ZFYVE28: variants seen among roughly 807,000 people sequenced by gnomAD.
ZFYVE28 encodes the protein lateral signaling target protein 2 homolog.
ZFYVE28 carries 40 observed loss-of-function variants against 82.1 expected under a neutral mutation model. The ratio of observed to expected loss-of-function variants is 0.49; its 90% CI spans 0.38 to 0.63. The LOEUF (loss-of-function observed/expected upper bound fraction) is 0.63, where lower values mean the gene tolerates loss of function less well. Ranked by LOEUF, ZFYVE28 falls within the 30% of genes least tolerant of loss-of-function variation. The probability of loss-of-function intolerance (pLI) is 0.00; values close to 1 mark genes in which losing one functional copy is unlikely to be tolerated. For synonymous variants in ZFYVE28, 612 were observed against 546.1 expected (o/e 1.12, Z -1.68); for missense variants, 1,321 against 1,242.1 (o/e 1.06, Z -0.96).
chr4:2,273,367 C>A, intron 9 of ZFYVE28, 78 bp from the exon 10 acceptor site: 1 of 1,246,018 alleles, frequency 8.0e-7, no homozygotes, highest in South Asian at 1.3e-5. Context: ...GCGGGCTGGG[C>A]AGACCCAGCC....
At chr4:2,322,948 G>A (rs1262443582) in intron 6 of ZFYVE28, among the ~76,000 whole-genome samples, 2 of 152,196 alleles carry the variant, frequency 1.3e-5, no homozygotes, top group African/African-American at 2.4e-5. Flanking sequence ...ATTCACCCAC[G>A]GGTGGAAGTT....
chr4:2,301,558 C>A (rs1035254928), intron 8 of ZFYVE28, among the ~76,000 whole-genome samples: 8 of 152,094 alleles, frequency 5.3e-5, no homozygotes, highest in Admixed American at 5.2e-4. Flanking sequence ...AAGCTGAGGC[C>A]GCGTTAAGAG....
Position 2,339,612 on chromosome 4 carries a change from C to T in ZFYVE28, c.362G>A (p.Ser121Asn). The change falls in exon 4 of 13, where the codon AGC becomes AAC. Residue 121 changes from serine (S) to asparagine (N), a missense_variant. By Grantham distance (46) the Ser-to-Asn change is conservative. Transcript: ENST00000290974. The surrounding 1 kb of genome is among the most constrained non-coding windows in gnomAD (Gnocchi z 5.0). ...GSIIMNRELE[S>N]MAMRPLAKEL... is the part of the protein sequence containing the mutation. Reference sequence around the variant, plus strand: ...CTTGGCCAGCGGGCGCATGGCCATGCTCTCCAGCTCCCGGTTCATGATGAT... The same window carrying T: ...CTTGGCCAGCGGGCGCATGGCCATGTTCTCCAGCTCCCGGTTCATGATGAT... The T allele has an allele frequency of 6.2e-7, 1 of 1,610,724 alleles. No individual in the cohort carries two copies.
Position 2,341,414 on chromosome 4 carries a change from C to G in ZFYVE28, c.318+64G>C. On this transcript the variant is annotated intron_variant, in intron 3 of 12. Coordinates refer to ENST00000290974, the MANE Select transcript of ZFYVE28 (RefSeq NM_020972.3). The surrounding 1 kb of genome is among the most constrained non-coding windows in gnomAD (Gnocchi z 4.5). ...CCTGCAGGCGCCCATGCACAAGGTT[C>G]GCAGGGACTTGGCTAGACGCCACCC... The G allele has an allele frequency of 6.3e-7, 1 of 1,592,460 alleles. No homozygotes were observed. The highest frequency in any genetic ancestry group is 1.1e-5 in the South Asian group (1 of 88,748).
intron 6 of ZFYVE28, among the ~76,000 whole-genome samples, chr4:2,324,073 T>C (rs1719509825): frequency 6.6e-6 from 1 of 152,184 alleles, no homozygotes; most frequent in Non-Finnish European, 1.5e-5. Context: ...GTATCAAAGT[T>C]CTCTAGAGAA....
intron 8 of ZFYVE28, among the ~76,000 whole-genome samples, chr4:2,278,040 T>C (rs1479454446): frequency 6.6e-6 from 1 of 152,130 alleles, no homozygotes; most frequent in Non-Finnish European, 1.5e-5. Context: ...GGCAGTGGAT[T>C]CTCAGCAAGG....
chr4:2,391,855 G>A (rs1578359180), intron 1 of ZFYVE28, among the ~76,000 whole-genome samples: 1 of 150,984 alleles, frequency 6.6e-6, no homozygotes, highest in Admixed American at 6.6e-5. Context: ...CCTGCCTCAG[G>A]CTCCCGAGTA....
rs1330380701 is a variant in ZFYVE28, at chr4:2,271,681, A to G, written c.2422T>C (p.Phe808Leu). ...ELAAKTRDGD[F>L]EDPPEWVPDE... is the part of the protein sequence containing the mutation. ...CCCAGAGCCTCCCACACACCTTCAA[A>G]GTCCCCATCGCGGGTCTTGGCTGCC... is the stretch of plus-strand genomic sequence containing the variant. Residue 808 changes from phenylalanine (F) to leucine (L), a missense_variant, in exon 11 of 13, where the codon TTT (phenylalanine) becomes CTT (leucine). By Grantham distance (22) the Phe-to-Leu change is conservative (BLOSUM62 0). Transcript: ENST00000290974. The G allele has an allele frequency of 2.5e-6, 4 of 1,613,818 alleles. No individual in the cohort carries two copies. Among genetic ancestry groups the G allele is most frequent in the Admixed American group, 3.3e-5 (2 of 60,022 alleles).
chr4:2,401,539 C>A (rs748954401), intron 1 of ZFYVE28, among the ~76,000 whole-genome samples: 7 of 152,116 alleles, frequency 4.6e-5, no homozygotes, highest in African/African-American at 7.2e-5. Flanking sequence ...ACCTGCCCCA[C>A]CCCAGGCCCT....
intron 8 of ZFYVE28, among the ~76,000 whole-genome samples, chr4:2,302,570 G>A (rs933569422): frequency 4.6e-5 from 7 of 152,252 alleles, no homozygotes; most frequent in African/African-American, 1.7e-4. Flanking sequence ...TAGTCTGGCA[G>A]CTCCTCAAAA....
At position 2,300,720 on chromosome 4, in the gene ZFYVE28, G is replaced by A. The variant is rs369313152; in HGVS notation, c.2051+3569C>T. On this transcript the variant is annotated intron_variant, in intron 8 of 12. Transcript: ENST00000290974. This position sits in a 1 kb window ranked among gnomAD's most constrained non-coding sequence, Gnocchi z 4.6. Reference sequence around the variant, plus strand: ...CTCGGGGGAATCTCACAGGCTGGTCGGCCGCAGCTCCACACATTTCCTTCA... The same window carrying A: ...CTCGGGGGAATCTCACAGGCTGGTCAGCCGCAGCTCCACACATTTCCTTCA... 2.0e-5 allele frequency among the ~76,000 whole-genome samples: 3 copies of A among 152,016 alleles called. No individual in the cohort carries two copies. The highest frequency in any genetic ancestry group is 2.1e-4 in the South Asian group (1 of 4,802).
intron 8 of ZFYVE28, among the ~76,000 whole-genome samples, chr4:2,302,249 AG>A (rs1715673304): frequency 6.6e-6 from 1 of 152,248 alleles, no homozygotes; most frequent in African/African-American, 2.4e-5. Flanking sequence ...CTTTGGGGGC[AG>A]GGGAGAAAAA....
At chr4:2,415,451 T>C (rs913289478) in intron 1 of ZFYVE28, among the ~76,000 whole-genome samples, 127 of 147,272 alleles carry the variant, frequency 8.6e-4, no homozygotes, top group Non-Finnish European at 1.5e-3. Context: ...ACCCTGTCTC[T>C]ACACACACAC....
intron 6 of ZFYVE28, among the ~76,000 whole-genome samples, chr4:2,322,927 T>C (rs1402299074): frequency 6.6e-6 from 1 of 152,232 alleles, no homozygotes; most frequent in Non-Finnish European, 1.5e-5. Flanking sequence ...TTCCCGCGCA[T>C]ACATTTCTTC....
Position 2,293,690 on chromosome 4 carries a change from T to C in ZFYVE28, c.2051+10599A>G, listed in dbSNP as rs537377476. On this transcript the variant is annotated intron_variant, in intron 8 of 12. Coordinates refer to ENST00000290974, the MANE Select transcript of ZFYVE28 (RefSeq NM_020972.3). Reference sequence around the variant, plus strand: ...ATGGCGTGAACCCAGGAGGCAGAGCTTGCAGTGAGCCGAGATCACACCACT... The same window carrying C: ...ATGGCGTGAACCCAGGAGGCAGAGCCTGCAGTGAGCCGAGATCACACCACT... 2.4e-3 allele frequency among the ~76,000 whole-genome samples: 357 copies of C among 148,388 alleles called. 3 individuals carry two copies. Among genetic ancestry groups the C allele is most frequent in the African/African-American group, 8.7e-3 (349 of 40,202 alleles).
chr4:2,284,512 A>T (rs1712436184), intron 8 of ZFYVE28, among the ~76,000 whole-genome samples: 1 of 152,214 alleles, frequency 6.6e-6, no homozygotes, highest in South Asian at 2.1e-4. Context: ...CCTCAGCAGC[A>T]GGAGCCCAAG....
intron 6 of ZFYVE28, among the ~76,000 whole-genome samples, chr4:2,321,347 G>T (rs1039210211): frequency 6.6e-6 from 1 of 152,156 alleles, no homozygotes; most frequent in Non-Finnish European, 1.5e-5. Flanking sequence ...AAAGGCTGAT[G>T]AACAGAATTG....
At chr4:2,403,392 C>A in intron 1 of ZFYVE28, among the ~76,000 whole-genome samples, 1 of 152,266 alleles carries the variant, frequency 6.6e-6, no homozygotes, top group Admixed American at 6.5e-5. Flanking sequence ...AGTGTCAACA[C>A]GCAATATGAG....
At chr4:2,328,831 T>A in intron 6 of ZFYVE28, 1 of 339,344 alleles carries the variant, frequency 2.9e-6, no homozygotes. Context: ...CCAACTTTGT[T>A]CTTTTGCATG....
Sources: allele counts gnomAD v4.1 joint callset (sites outside exome capture counted in the v4.1 genomes callset), GRCh38; gene constraint gnomAD v4.1.1; non-coding constraint Gnocchi (gnomAD v3.1); transcripts MANE v1.5; gene names NCBI Gene and HGNC (gene_info 2026-07-23, HGNC 2026-07-21).